The following PTPN13 variants were observed in gnomAD, a reference collection of about 807,000 sequenced individuals.
PTPN13 encodes tyrosine-protein phosphatase non-receptor type 13.
In PTPN13, 191 loss-of-function variants were observed where a neutral mutation model predicts 284.0. The ratio of observed to expected loss-of-function variants is 0.67; its 90% CI spans 0.60 to 0.76. PTPN13 has a LOEUF of 0.76. PTPN13 is among the 30% of genes least tolerant of loss of function. The pLI, the probability that PTPN13 is intolerant of heterozygous loss-of-function variation, is 0.00. For synonymous variants in PTPN13, 986 were observed against 1,022.3 expected, an observed-to-expected ratio of 0.96 and a Z score of 0.68; for missense variants, 2,797 against 2,939.9, an observed-to-expected ratio of 0.95 and a Z score of 1.12.
rs1307914068 is a variant in PTPN13 at position 86,672,532 on chromosome 4, G to A, written c.283G>A (p.Asp95Asn). 1 of 1,602,938 alleles carries A rather than the reference G, an allele frequency of 6.2e-7. No individual in the cohort carries two copies. The highest frequency in any genetic ancestry group is 8.5e-7 in the Non-Finnish European group (1 of 1,174,454). Residue 95 changes from aspartate to asparagine, a missense_variant, in exon 3 of 48, where the codon GAT becomes AAT. Physicochemically the swap from Asp to Asn is conservative, Grantham distance 23. Coordinates refer to ENST00000411767, the MANE Select transcript of PTPN13 (RefSeq NM_080683.3). ...LQNQSLTSLS[D>N]VEKIHIYSLG... ...AAATCAGTCACTAACTTCTCTCTCA[G>A]ATGTTGAAAAGGTAACTGTTAAATT... is the stretch of plus-strand genomic sequence containing the variant.
chr4:86,758,654 T>C, intron 21 of PTPN13, 24 bp from the exon 22 acceptor site: 1 of 1,582,032 alleles, frequency 6.3e-7, no homozygotes, highest in Non-Finnish European at 8.7e-7. Flanking sequence ...TATGAAAATC[T>C]TTTTAAAATG....
chr4:86,721,722 T>TCCCCTTC (rs1236077295), intron 9 of PTPN13, among the ~76,000 whole-genome samples: 3 of 33,350 alleles, frequency 9.0e-5, no homozygotes, highest in African/African-American at 1.0e-4. Context: ...TCCCTCCCCC[T>TCCCCTTC]CCCCTTCCCC....
chr4:86,769,704 G>T (rs1245898541), intron 28 of PTPN13, 65 bp from the exon 29 acceptor site: 2 of 1,060,300 alleles, frequency 1.9e-6, no homozygotes, highest in African/African-American at 3.2e-5. Flanking sequence ...ATATATGTTT[G>T]TATGTTCCTA....
chr4:86,741,470 T>C (rs1736160759), intron 15 of PTPN13, among the ~76,000 whole-genome samples, 164 bp from the exon 16 acceptor site: 1 of 152,130 alleles, frequency 6.6e-6, no homozygotes, highest in East Asian at 1.9e-4. Flanking sequence ...AGGAAAGACC[T>C]GCCCCCATGA....
At chr4:86,802,131 TGA>T (rs1250172383) in intron 42 of PTPN13, among the ~76,000 whole-genome samples, 1 of 150,556 alleles carries the variant, frequency 6.6e-6, no homozygotes, top group Non-Finnish European at 1.5e-5. Flanking sequence ...TCTGTATATA[TGA>T]GATCAAGATT....
At chr4:86,797,729 C>CA (rs34513513) in intron 41 of PTPN13, among the ~76,000 whole-genome samples, 15,099 of 151,650 alleles carry the variant, frequency 0.1, 876 homozygotes, top group Non-Finnish European at 0.11. Flanking sequence ...TTCTATACTT[C>CA]AAAATTTTTT....
intron 2 of PTPN13, among the ~76,000 whole-genome samples, chr4:86,660,591 C>G (rs1282326249): frequency 6.6e-6 from 1 of 152,072 alleles, no homozygotes; most frequent in Non-Finnish European, 1.5e-5. Flanking sequence ...CTTTGACATG[C>G]TACATCTTGC....
chr4:86,741,515 T>G, intron 15 of PTPN13, 119 bp from the exon 16 acceptor site: 1 of 846,356 alleles, frequency 1.2e-6, no homozygotes, highest in Non-Finnish European at 1.8e-6. Context: ...TCCCATAACA[T>G]GTGGGAATTC....
At chr4:86,801,576 G>A (rs1222993405) in intron 42 of PTPN13, among the ~76,000 whole-genome samples, 1 of 152,110 alleles carries the variant, frequency 6.6e-6, no homozygotes, top group Non-Finnish European at 1.5e-5. Context: ...GAATGTTTAT[G>A]AACCAGTTTG....
intron 3 of PTPN13, among the ~76,000 whole-genome samples, chr4:86,679,398 T>G (rs1728639223): frequency 6.6e-6 from 1 of 152,184 alleles, no homozygotes; most frequent in African/African-American, 2.4e-5. Context: ...CCCTATGCTC[T>G]CTACTAGTGG....
chr4:86,682,183 C>T (rs1728970162), intron 3 of PTPN13, among the ~76,000 whole-genome samples: 1 of 152,142 alleles, frequency 6.6e-6, no homozygotes, highest in Non-Finnish European at 1.5e-5. Context: ...TCTATACATG[C>T]ATGTCATCTA....
chr4:86,689,286 T>C, intron 5 of PTPN13, 96 bp downstream of exon 5: 1 of 958,856 alleles, frequency 1.0e-6, no homozygotes, highest in Non-Finnish European at 1.6e-6. Flanking sequence ...TAGCATTTTC[T>C]CAATGAAGAC....
Position 86,662,478 on chromosome 4 carries a change from C to T in PTPN13, c.116-9887C>T, listed in dbSNP as rs146182489. ...TCCCAAATACCTGGAACTATAAGCA[C>T]GCACCACCACGCCCAGCTAATTTTT... On this transcript the variant is annotated intron_variant, in intron 2 of 47. Coordinates refer to ENST00000411767, the MANE Select transcript of PTPN13 (RefSeq NM_080683.3). 7.1e-3 allele frequency among the ~76,000 whole-genome samples: 1,086 copies of T among 152,170 alleles called. 10 individuals are homozygous for T. The highest frequency in any genetic ancestry group is 0.01 in the Middle Eastern group (3 of 294).
At chr4:86,737,004 A>C (rs1364886092) in intron 15 of PTPN13, among the ~76,000 whole-genome samples, 1 of 152,152 alleles carries the variant, frequency 6.6e-6, no homozygotes, top group Non-Finnish European at 1.5e-5. Flanking sequence ...TCTTTCGTAA[A>C]TCTGCTTTAT....
chr4:86,765,994 A>G (rs542271396), intron 26 of PTPN13, among the ~76,000 whole-genome samples: 28 of 152,072 alleles, frequency 1.8e-4, no homozygotes, highest in African/African-American at 6.0e-4. Flanking sequence ...TGCCGGGCTA[A>G]TTTTTGTATT....
intron 7 of PTPN13, among the ~76,000 whole-genome samples, chr4:86,709,797 C>T (rs1732176505): frequency 6.6e-6 from 1 of 152,164 alleles, no homozygotes. Context: ...CACAAGACCC[C>T]CATAGAAGGA....
chr4:86,767,395 A>G (rs2149262884), intron 27 of PTPN13, among the ~76,000 whole-genome samples: 1 of 151,874 alleles, frequency 6.6e-6, no homozygotes, highest in South Asian at 2.1e-4. Context: ...ACAGGTGCCC[A>G]CCACGACACC....
intron 10 of PTPN13, among the ~76,000 whole-genome samples, chr4:86,725,901 T>A (rs922060672): frequency 6.7e-6 from 1 of 149,766 alleles, no homozygotes; most frequent in Non-Finnish European, 1.5e-5. Context: ...CCCATCCCCA[T>A]GTCCTGAATG....
At chr4:86,641,106 A>G (rs1372837671) in intron 2 of PTPN13, among the ~76,000 whole-genome samples, 1 of 152,110 alleles carries the variant, frequency 6.6e-6, no homozygotes, top group African/African-American at 2.4e-5. Flanking sequence ...TTTTTTGTAT[A>G]TTTGATCACA....
Sources: allele counts gnomAD v4.1 joint callset (sites outside exome capture counted in the v4.1 genomes callset), GRCh38; gene constraint gnomAD v4.1.1; transcripts MANE v1.5; gene names NCBI Gene and HGNC (gene_info 2026-07-23, HGNC 2026-07-21).